USP16: variants seen among roughly 807,000 people sequenced by gnomAD.
The protein encoded by USP16 is ubiquitin specific peptidase 16, also known as ubiquitin carboxyl-terminal hydrolase 16.
USP16 carries 77 observed loss-of-function variants against 95.9 expected under a neutral mutation model. The observed-to-expected ratio is 0.80, with a 90% CI of 0.67 to 0.97. USP16 has a LOEUF of 0.97. Ranked by LOEUF, USP16 falls within the 50% of genes least tolerant of loss-of-function variation. The probability of loss-of-function intolerance (pLI) is 0.00; values close to 1 mark genes in which losing one functional copy is unlikely to be tolerated. For missense variants in USP16, 943 were observed against 959.9 expected (o/e 0.98, Z 0.23); for synonymous variants, 303 against 318.2 (o/e 0.95, Z 0.51).
chr21:29,048,934 ATAC>A (rs2085372483), intron 15 of USP16, 79 bp downstream of exon 15: 1 of 1,077,100 alleles, frequency 9.3e-7, no homozygotes, highest in Admixed American at 2.2e-5. Flanking sequence ...CTGTCTCAAC[ATAC>A]TACTTTGTTT....
At chr21:29,039,598 G>T (rs755841884) in intron 9 of USP16, 30 bp downstream of exon 9, 3 of 1,590,612 alleles carry the variant, frequency 1.9e-6, no homozygotes, top group South Asian at 1.1e-5. Context: ...TGTATTTTAT[G>T]ATCTTATCTT....
chr21:29,046,780 A>T lies in USP16; in HGVS notation c.1470A>T (p.Glu490Asp). Residue 490 changes from glutamate (E) to aspartate (D), a missense_variant, in exon 14 of 18, where the codon GAA (glutamate) becomes GAT (aspartate). Transcript: ENST00000399976. The part of the protein sequence containing the change: ...EYEAEMSLQG[E>D]VNIKSNHISQ... ...AAGCTGAAATGTCACTTCAAGGAGA[A>T]GTAAATATTAAATCCAACCATATTT... The T allele has an allele frequency of 6.2e-7, 1 of 1,614,126 alleles. No individual in the cohort carries two copies. Among genetic ancestry groups the T allele is most frequent in the Non-Finnish European group, 8.5e-7 (1 of 1,180,016 alleles).
chr21:29,035,414 C>A (rs1455168998), intron 4 of USP16, among the ~76,000 whole-genome samples: 1 of 151,006 alleles, frequency 6.6e-6, no homozygotes, highest in African/African-American at 2.4e-5. Context: ...CTTTCTGTCG[C>A]CCAGGCTGGA....
chr21:29,025,995 A>G (rs1041382204), intron 1 of USP16, among the ~76,000 whole-genome samples: 16 of 152,252 alleles, frequency 1.1e-4, no homozygotes, highest in African/African-American at 1.7e-4. Context: ...AGAGCATACC[A>G]TAAATACTGG....
rs766049950 is a variant in USP16, at chr21:29,053,724, T to C, written c.2194-78T>C. ...AAGTAATGGTTAAAGACCCTTTGCA[T>C]AGTGTAAACTTGTCTTGCCCATGAC... On this transcript the variant is annotated intron_variant, in intron 16 of 17. Transcript: ENST00000399976. 4.2e-6 allele frequency: 6 copies of C among 1,433,722 alleles called. No individual in the cohort carries two copies. In the African/African-American group the frequency reaches 8.6e-5, roughly 20 times the overall value. The allele number at this position is 1,433,722 out of a possible 1,614,324, so 88.8% of individuals were successfully genotyped here. A position where few individuals can be genotyped will look rare whatever the true frequency, so the allele number is the denominator to read the frequency against.
At chr21:29,048,634 C>T in intron 14 of USP16, 127 bp from the exon 15 acceptor site, 1 of 660,746 alleles carries the variant, frequency 1.5e-6, no homozygotes, top group Non-Finnish European at 2.5e-6. Flanking sequence ...TATTTGTTAT[C>T]TAGTACTTCA....
rs1462504488 is a variant in USP16 at position 29,033,435 on chromosome 21, A to T, written c.241-1402A>T. The stretch of plus-strand genomic sequence containing the variant: ...TGTATATTTCTTCTCCAAAGTATAT[A>T]TTTAGCGGCAATGGAAACACGACCG... On this transcript the variant is annotated intron_variant, in intron 3 of 17. Coordinates refer to ENST00000399976, the MANE Select transcript of USP16 (RefSeq NM_006447.3). 2.0e-5 allele frequency among the ~76,000 whole-genome samples: 3 copies of T among 152,244 alleles called. No individual in the cohort carries two copies. The East Asian group carries it at 5.8e-4, about 29-fold the overall frequency.
chr21:29,035,272 A>G lies in USP16; in HGVS notation c.344+332A>G, dbSNP rs549014231. The stretch of plus-strand genomic sequence containing the variant: ...AAAATTTTGGCTATGAATTTGCATG[A>G]AAATAAATGTCAGTCTGGTATGTTA... On this transcript the variant is annotated intron_variant, in intron 4 of 17. Coordinates refer to ENST00000399976, the MANE Select transcript of USP16 (RefSeq NM_006447.3). 2.6e-5 allele frequency among the ~76,000 whole-genome samples: 4 copies of G among 152,276 alleles called. No individual in the cohort carries two copies. The East Asian group carries it at 7.7e-4, about 29-fold the overall frequency.
At chr21:29,031,474 T>C (rs1401739117) in intron 3 of USP16, among the ~76,000 whole-genome samples, 1 of 152,200 alleles carries the variant, frequency 6.6e-6, no homozygotes, top group Non-Finnish European at 1.5e-5. Context: ...GGTCTCACTC[T>C]GTCACCCAGG....
In USP16 at chr21:29,024,740, C is replaced by A. The variant is rs1215667998; in HGVS notation, c.-79C>A. ...CGGAGCTGGCTGCCCAGCCCAAAGG[C>A]CCATGAGGGGATGCAGTTATGGGCT... On this transcript the variant is annotated 5_prime_UTR_variant, in exon 1 of 18. Transcript: ENST00000399976. 1.6e-6 allele frequency: 2 copies of A among 1,289,226 alleles called. No homozygotes were observed. Among genetic ancestry groups the A allele is most frequent in the Admixed American group, 4.6e-5 (2 of 43,540 alleles). The allele number at this position is 1,289,226 out of a possible 1,614,324, so 79.9% of individuals were successfully genotyped here. A position where few individuals can be genotyped will look rare whatever the true frequency, so the allele number is the denominator to read the frequency against.
chr21:29,048,644 A>G, intron 14 of USP16, 117 bp from the exon 15 acceptor site: 1 of 751,400 alleles, frequency 1.3e-6, no homozygotes, highest in Admixed American at 2.9e-5. Flanking sequence ...CTAGTACTTC[A>G]TAGAAAAAGT....
Position 29,054,466 on chromosome 21 carries a change from C to G in USP16, c.*279C>G. Reference sequence around the variant, plus strand: ...ATCTGGGTGATGGATCACAACACATCAATAAACTGACTTACCCTAAAATCT... The same window carrying G: ...ATCTGGGTGATGGATCACAACACATGAATAAACTGACTTACCCTAAAATCT... On this transcript the variant is annotated 3_prime_UTR_variant, in exon 18 of 18. Coordinates refer to ENST00000399976, the MANE Select transcript of USP16 (RefSeq NM_006447.3). 2 of 330,698 alleles carry G rather than the reference C, an allele frequency of 6.0e-6. No homozygotes were observed. 20.5% of individuals were successfully genotyped at this position (330,698 alleles called of 1,614,324 possible).
chr21:29,046,619 C>G (rs377265091), intron 13 of USP16, 48 bp from the exon 14 acceptor site: 1 of 1,528,266 alleles, frequency 6.5e-7, no homozygotes, highest in Non-Finnish European at 8.8e-7. Flanking sequence ...CCTTTTCTCC[C>G]GCTCTTTCTT....
chr21:29,049,775 G>C (rs1743525039), intron 15 of USP16, among the ~76,000 whole-genome samples: 2 of 152,152 alleles, frequency 1.3e-5, no homozygotes, highest in African/African-American at 4.8e-5. Flanking sequence ...TGCCCAGGCT[G>C]ATCTCGAACT....
At chr21:29,036,469 G>C in intron 5 of USP16, 95 bp downstream of exon 5, 1 of 1,165,568 alleles carries the variant, frequency 8.6e-7, no homozygotes. Context: ...ACATACAGCT[G>C]AGTAACATTA....
At chr21:29,027,006 C>G (rs534211359) in intron 1 of USP16, among the ~76,000 whole-genome samples, 2 of 152,188 alleles carry the variant, frequency 1.3e-5, no homozygotes, top group South Asian at 4.2e-4. Flanking sequence ...ATAAAAATGG[C>G]ATAACTGGGA....
rs375586235 is a variant in USP16 at position 29,039,126 on chromosome 21, C to T, written c.833C>T (p.Pro278Leu). ...MQETKKGVVT[P>L]KELFSQVCKK... ...GAGACCAAAAAGGGGGTTGTGACAC[C>T]GAAAGAACTCTTTTCTCAGGTCTGT... Residue 278 changes from proline to leucine, a missense_variant, in exon 8 of 18, where the codon CCG becomes CTG. Pro to Leu is a moderately conservative substitution (Grantham distance 98, BLOSUM62 -3). Coordinates refer to ENST00000399976, the MANE Select transcript of USP16 (RefSeq NM_006447.3). 7 of 1,577,412 alleles carry T rather than the reference C, an allele frequency of 4.4e-6. No individual in the cohort carries two copies. The highest frequency in any genetic ancestry group is 2.3e-5 in the East Asian group (1 of 43,026).
At position 29,043,414 on chromosome 21, in the gene USP16, T is replaced by A. The variant is rs751905714; in HGVS notation, c.1180-9T>A. 1.4e-6 allele frequency: 2 copies of A among 1,474,110 alleles called. No individual in the cohort carries two copies. The highest frequency in any genetic ancestry group is 1.5e-5 in the South Asian group (1 of 64,684). 91.3% of individuals were successfully genotyped at this position (1,474,110 alleles called of 1,614,324 possible). A position where few individuals can be genotyped will look rare whatever the true frequency, so the allele number is the denominator to read the frequency against. On this transcript the variant is annotated splice_polypyrimidine_tract_variant and intron_variant, in intron 12 of 17. Transcript: ENST00000399976. ...TTTTGTTTTTGACCTATGTTATCTA[T>A]ATTTTAAGAGTGGTAAGAAAAGTGT...
At chr21:29,029,821 C>T (rs1233445895) in intron 2 of USP16, among the ~76,000 whole-genome samples, 2 of 152,128 alleles carry the variant, frequency 1.3e-5, no homozygotes, top group African/African-American at 2.4e-5. Flanking sequence ...GTCTGAAAGA[C>T]TTGAGTCTAA....
Sources: allele counts gnomAD v4.1 joint callset (sites outside exome capture counted in the v4.1 genomes callset), GRCh38; gene constraint gnomAD v4.1.1; transcripts MANE v1.5; gene names NCBI Gene and HGNC (gene_info 2026-07-23, HGNC 2026-07-21).